The following HSPA6 variants were observed in gnomAD, a reference collection of about 807,000 sequenced individuals.
HSPA6 encodes the protein heat shock 70 kDa protein 6.
For synonymous variants in HSPA6, 312 were observed against 368.2 expected (o/e 0.85, Z 1.75); for missense variants, 718 against 860.9 (o/e 0.83, Z 2.08).
In HSPA6 at chr1:161,526,743, G is replaced by T. The variant is rs999881047; in HGVS notation, c.*153G>T. 1.7e-5 allele frequency: 12 copies of T among 686,524 alleles called. No homozygotes were observed. In the Admixed American group the frequency reaches 3.6e-4, roughly 21 times the overall value. The allele number at this position is 686,524 out of a possible 1,614,324, so 42.5% of individuals were successfully genotyped here. ...ACTGAAGTCTTTTGACTTTTTGCGG[G>T]GAGGGCGGTTCATCCTCTTCTGCTT... On this transcript the variant is annotated 3_prime_UTR_variant, in exon 1 of 1. Transcript: ENST00000309758.
At position 161,525,560 on chromosome 1, in the gene HSPA6, G is replaced by A. The variant is rs1302735301; in HGVS notation, c.902G>A (p.Arg301His). The change falls in exon 1 of 1, where the codon CGT becomes CAT. Residue 301 changes from arginine to histidine, a missense_variant. Physicochemically the swap from Arg to His is conservative, Grantham distance 29. Transcript: ENST00000309758. ...GTGGACTTCTACACGTCCATCACTCGTGCCCGCTTTGAGGAACTGTGCTCA... is the reference window on the plus strand; with the variant it reads ...GTGGACTTCTACACGTCCATCACTCATGCCCGCTTTGAGGAACTGTGCTCA... Reference protein sequence around the residue: ...EGVDFYTSITRARFEELCSDL... With the variant: ...EGVDFYTSITHARFEELCSDL... The A allele has an allele frequency of 1.9e-6, 3 of 1,613,410 alleles. No individual in the cohort carries two copies. Among genetic ancestry groups the A allele is most frequent in the Admixed American group, 1.7e-5 (1 of 59,956 alleles).
Position 161,525,756 on chromosome 1 carries a change from C to G in HSPA6, c.1098C>G (p.Asn366Lys), listed in dbSNP as rs747731136. Residue 366 changes from asparagine to lysine, a missense_variant, in exon 1 of 1, where the codon AAC (asparagine) becomes AAG (lysine). Physicochemically the swap from Asn to Lys is moderately conservative, Grantham distance 94. Coordinates refer to ENST00000309758, the MANE Select transcript of HSPA6 (RefSeq NM_002155.5). Reference protein sequence around the residue: ...FNGKELNKSINPDEAVAYGAA... With the variant: ...FNGKELNKSIKPDEAVAYGAA... Reference sequence around the variant, plus strand: ...GCAAGGAGCTGAACAAGAGCATCAACCCTGATGAGGCTGTGGCCTATGGGG... The same window carrying G: ...GCAAGGAGCTGAACAAGAGCATCAAGCCTGATGAGGCTGTGGCCTATGGGG... The G allele has an allele frequency of 6.2e-7, 1 of 1,608,048 alleles. No homozygotes were observed.
rs766725713 is a variant in HSPA6, at chr1:161,525,246, C to A, written c.588C>A (p.Asn196Lys). ...ACCGGCGGGGCGCGGGAGAGCGCAA[C>A]GTGCTCATTTTTGACCTGGGTGGGG... ...GLDRRGAGER[N>K]VLIFDLGGGT... Residue 196 changes from asparagine to lysine, a missense_variant, in exon 1 of 1, where the codon AAC (asparagine) becomes AAA (lysine). Physicochemically the swap from Asn to Lys is moderately conservative, Grantham distance 94. Transcript: ENST00000309758. 2 of 1,614,026 alleles carry A rather than the reference C, an allele frequency of 1.2e-6. No homozygotes were observed. The highest frequency in any genetic ancestry group is 1.7e-5 in the Admixed American group (1 of 60,022).
At position 161,524,851 on chromosome 1, in the gene HSPA6, C is replaced by G. The variant is rs41297698; in HGVS notation, c.193C>G (p.Pro65Ala). 1 of 1,611,234 alleles carries G rather than the reference C, an allele frequency of 6.2e-7. No homozygotes were observed. The highest frequency in any genetic ancestry group is 1.1e-5 in the South Asian group (1 of 90,902). Residue 65 changes from proline (P) to alanine (A), a missense_variant, in exon 1 of 1, where the codon CCC (proline) becomes GCC (alanine). By Grantham distance (27) the Pro-to-Ala change is conservative. Coordinates refer to ENST00000309758, the MANE Select transcript of HSPA6 (RefSeq NM_002155.5). ...DAAKSQAALNPHNTVFDAKRL... is the reference protein window; with the variant it reads ...DAAKSQAALNAHNTVFDAKRL... The stretch of plus-strand genomic sequence containing the variant: ...GGCCAAGAGCCAGGCGGCCCTGAAC[C>G]CCCACAACACCGTGTTCGATGCCAA...
In HSPA6 at chr1:161,525,552, C is replaced by A. The variant is rs1169693300; in HGVS notation, c.894C>A (p.Ser298=). The A allele has an allele frequency of 6.2e-7, 1 of 1,613,596 alleles. No homozygotes were observed. The highest frequency in any genetic ancestry group is 1.3e-5 in the African/African-American group (1 of 75,010). The change falls in exon 1 of 1, where the codon TCC becomes TCA. Residue 298 remains serine, a synonymous_variant. Transcript: ENST00000309758. ...SLFEGVDFYT[S]ITRARFEELC... ...TCGAGGGCGTGGACTTCTACACGTC[C>A]ATCACTCGTGCCCGCTTTGAGGAAC...
rs1289112914 is a variant in HSPA6, at chr1:161,526,045, C to G, written c.1387C>G (p.Leu463Val). 4.3e-6 allele frequency: 7 copies of G among 1,613,652 alleles called. No homozygotes were observed. The highest frequency in any genetic ancestry group is 1.3e-5 in the African/African-American group (1 of 74,840). The part of the protein sequence containing the change: ...KDNNLLGRFE[L>V]SGIPPAPRGV... ...CAACAACCTGCTGGGGCGTTTTGAA[C>G]TCAGTGGCATCCCTCCTGCCCCACG... Residue 463 changes from leucine (L) to valine (V), a missense_variant, in exon 1 of 1, where the codon CTC becomes GTC. Physicochemically the swap from Leu to Val is conservative, Grantham distance 32. Transcript: ENST00000309758.
rs1333454941 is a variant in HSPA6, at chr1:161,526,712, A to G, written c.*122A>G. Reference sequence around the variant, plus strand: ...CCTCCAAAGCTAGAACTTTCTTCCCAGGATAACTGAAGTCTTTTGACTTTT... The same window carrying G: ...CCTCCAAAGCTAGAACTTTCTTCCCGGGATAACTGAAGTCTTTTGACTTTT... On this transcript the variant is annotated 3_prime_UTR_variant, in exon 1 of 1. Transcript: ENST00000309758. The G allele has an allele frequency of 2.0e-5, 22 of 1,124,432 alleles. No homozygotes were observed. The highest frequency in any genetic ancestry group is 3.4e-5 in the Admixed American group (1 of 29,606). 69.7% of individuals were successfully genotyped at this position (1,124,432 alleles called of 1,614,324 possible). A position where few individuals can be genotyped will look rare whatever the true frequency, so the allele number is the denominator to read the frequency against.
Position 161,526,145 on chromosome 1 carries a change from G to A in HSPA6, c.1487G>A (p.Ser496Asn). The change falls in exon 1 of 1, where the codon AGC becomes AAC. Residue 496 changes from serine to asparagine, a missense_variant. Ser to Asn is a conservative substitution (Grantham distance 46). Transcript: ENST00000309758. ...CTGAGCGTGACAGCCACTGACAGGAGCACAGGTAAGGCTAACAAGATCACC... is the reference window on the plus strand; with the variant it reads ...CTGAGCGTGACAGCCACTGACAGGAACACAGGTAAGGCTAACAAGATCACC... ...GILSVTATDR[S>N]TGKANKITIT... 6.2e-7 allele frequency: 1 copy of A among 1,613,744 alleles called. No individual in the cohort carries two copies. The highest frequency in any genetic ancestry group is 8.5e-7 in the Non-Finnish European group (1 of 1,179,832).
rs55898103 is a variant in HSPA6 at position 161,525,582 on chromosome 1, C to T, written c.924C>T (p.Cys308=). ...CTCGTGCCCGCTTTGAGGAACTGTG[C>T]TCAGACCTCTTCCGCAGCACCCTGG... ...SITRARFEEL[C]SDLFRSTLEP... is the part of the protein sequence containing the mutation. Residue 308 remains cysteine (C), a synonymous_variant, in exon 1 of 1, where the codon TGC becomes TGT. Coordinates refer to ENST00000309758, the MANE Select transcript of HSPA6 (RefSeq NM_002155.5). The T allele has an allele frequency of 1.9e-6, 3 of 1,613,462 alleles. No individual in the cohort carries two copies. Among genetic ancestry groups the T allele is most frequent in the Middle Eastern group, 3.3e-4 (2 of 6,060 alleles).
rs1676629676 is a variant in HSPA6 at position 161,524,955 on chromosome 1, G to C, written c.297G>C (p.Glu99Asp). ...ACTGGCCCTTCCGGGTGGTGAGCGAGGGCGGCAAGCCCAAGGTGCGCGTAT... is the reference window on the plus strand; with the variant it reads ...ACTGGCCCTTCCGGGTGGTGAGCGACGGCGGCAAGCCCAAGGTGCGCGTAT... ...MKHWPFRVVSEGGKPKVRVCY... is the reference protein window; with the variant it reads ...MKHWPFRVVSDGGKPKVRVCY... The change falls in exon 1 of 1, where the codon GAG becomes GAC. Residue 99 changes from glutamate to aspartate, a missense_variant. Glu to Asp is a conservative substitution (Grantham distance 45). Coordinates refer to ENST00000309758, the MANE Select transcript of HSPA6 (RefSeq NM_002155.5). The C allele has an allele frequency of 6.2e-7, 1 of 1,613,520 alleles. No individual in the cohort carries two copies. The highest frequency in any genetic ancestry group is 1.3e-5 in the African/African-American group (1 of 74,888).
rs17853454 is a variant in HSPA6 at position 161,525,687 on chromosome 1, A to T, written c.1029A>T (p.Thr343=). 1,050,052 of 1,612,194 alleles carry T rather than the reference A, an allele frequency of 0.65. 337,042 individuals are homozygous for T. Among genetic ancestry groups the T allele is most frequent in the East Asian group, 0.68 (30,579 of 44,758 alleles). ...IHDVVLVGGS[T]RIPKVQKLLQ... ...ACGTCGTCCTGGTGGGGGGCTCCAC[A>T]CGCATCCCCAAGGTGCAGAAGTTGC... Residue 343 remains threonine, a synonymous_variant, in exon 1 of 1, where the codon ACA becomes ACT. Coordinates refer to ENST00000309758, the MANE Select transcript of HSPA6 (RefSeq NM_002155.5).
Position 161,525,753 on chromosome 1 carries a change from C to T in HSPA6, c.1095C>T (p.Ile365=). 6.2e-7 allele frequency: 1 copy of T among 1,608,122 alleles called. No individual in the cohort carries two copies. Among genetic ancestry groups the T allele is most frequent in the Non-Finnish European group, 8.5e-7 (1 of 1,176,948 alleles). The change falls in exon 1 of 1, where the codon ATC becomes ATT. Residue 365 remains isoleucine (I), a synonymous_variant. Transcript: ENST00000309758. ...FFNGKELNKS[I]NPDEAVAYGA... ...ACGGCAAGGAGCTGAACAAGAGCAT[C>T]AACCCTGATGAGGCTGTGGCCTATG...
In HSPA6 at chr1:161,525,553, A is replaced by T; in HGVS notation, c.895A>T (p.Ile299Phe). 6.2e-7 allele frequency: 1 copy of T among 1,613,578 alleles called. No individual in the cohort carries two copies. Among genetic ancestry groups the T allele is most frequent in the African/African-American group, 1.3e-5 (1 of 75,002 alleles). ...LFEGVDFYTS[I>F]TRARFEELCS... Reference sequence around the variant, plus strand: ...CGAGGGCGTGGACTTCTACACGTCCATCACTCGTGCCCGCTTTGAGGAACT... The same window carrying T: ...CGAGGGCGTGGACTTCTACACGTCCTTCACTCGTGCCCGCTTTGAGGAACT... Residue 299 changes from isoleucine (I) to phenylalanine (F), a missense_variant, in exon 1 of 1, where the codon ATC becomes TTC. Coordinates refer to ENST00000309758, the MANE Select transcript of HSPA6 (RefSeq NM_002155.5).
At position 161,525,493 on chromosome 1, in the gene HSPA6, A is replaced by C; in HGVS notation, c.835A>C (p.Ser279Arg). Reference sequence around the variant, plus strand: ...GCGCGCCAAGCGCACCCTGTCCTCCAGCACCCAGGCCACCCTGGAGATAGA... The same window carrying C: ...GCGCGCCAAGCGCACCCTGTCCTCCCGCACCCAGGCCACCCTGGAGATAGA... ...CERAKRTLSS[S>R]TQATLEIDSL... Residue 279 changes from serine (S) to arginine (R), a missense_variant, in exon 1 of 1, where the codon AGC becomes CGC. Coordinates refer to ENST00000309758, the MANE Select transcript of HSPA6 (RefSeq NM_002155.5). 2.5e-6 allele frequency: 4 copies of C among 1,613,544 alleles called. No homozygotes were observed. Among genetic ancestry groups the C allele is most frequent in the Non-Finnish European group, 3.4e-6 (4 of 1,179,736 alleles).
Position 161,526,052 on chromosome 1 carries a change from G to T in HSPA6, c.1394G>T (p.Gly465Val). 1.9e-6 allele frequency: 3 copies of T among 1,613,816 alleles called. No homozygotes were observed. The highest frequency in any genetic ancestry group is 2.5e-6 in the Non-Finnish European group (3 of 1,179,846). Residue 465 changes from glycine (G) to valine (V), a missense_variant, in exon 1 of 1, where the codon GGC becomes GTC. Transcript: ENST00000309758. ...CTGCTGGGGCGTTTTGAACTCAGTG[G>T]CATCCCTCCTGCCCCACGTGGAGTC... is the stretch of plus-strand genomic sequence containing the variant. ...NNLLGRFELS[G>V]IPPAPRGVPQ... is the part of the protein sequence containing the mutation.
chr1:161,525,579 G>A lies in HSPA6; in HGVS notation c.921G>A (p.Leu307=). The change falls in exon 1 of 1, where the codon CTG becomes CTA. Residue 307 remains leucine, a synonymous_variant. Coordinates refer to ENST00000309758, the MANE Select transcript of HSPA6 (RefSeq NM_002155.5). Reference sequence around the variant, plus strand: ...TCACTCGTGCCCGCTTTGAGGAACTGTGCTCAGACCTCTTCCGCAGCACCC... The same window carrying A: ...TCACTCGTGCCCGCTTTGAGGAACTATGCTCAGACCTCTTCCGCAGCACCC... ...TSITRARFEE[L]CSDLFRSTLE... The A allele has an allele frequency of 1.2e-6, 2 of 1,613,490 alleles. No individual in the cohort carries two copies. Among genetic ancestry groups the A allele is most frequent in the East Asian group, 2.2e-5 (1 of 44,874 alleles).
chr1:161,526,678 T>A lies in HSPA6; in HGVS notation c.*88T>A. The stretch of plus-strand genomic sequence containing the variant: ...CTTCTATGATCCTGCCCTTCAGAGA[T>A]GAACTTTCCCTCCAAAGCTAGAACT... On this transcript the variant is annotated 3_prime_UTR_variant, in exon 1 of 1. Transcript: ENST00000309758. 1 of 1,344,508 alleles carries A rather than the reference T, an allele frequency of 7.4e-7. No homozygotes were observed. The highest frequency in any genetic ancestry group is 9.9e-7 in the Non-Finnish European group (1 of 1,013,134). 83.3% of individuals were successfully genotyped at this position (1,344,508 alleles called of 1,614,324 possible).
Position 161,525,315 on chromosome 1 carries a change from T to C in HSPA6, c.657T>C (p.Phe219=), listed in dbSNP as rs759922022. The C allele has an allele frequency of 1.2e-6, 2 of 1,614,010 alleles. No individual in the cohort carries two copies. Among genetic ancestry groups the C allele is most frequent in the South Asian group, 1.1e-5 (1 of 91,036 alleles). ...VSVLSIDAGV[F]EVKATAGDTH... is the part of the protein sequence containing the mutation. ...TTCTCTCCATTGACGCTGGTGTCTT[T>C]GAGGTGAAAGCCACTGCTGGAGATA... is the stretch of plus-strand genomic sequence containing the variant. The change falls in exon 1 of 1, where the codon TTT becomes TTC. Residue 219 remains phenylalanine (F), a synonymous_variant. Transcript: ENST00000309758.
chr1:161,525,770 T>C lies in HSPA6; in HGVS notation c.1112T>C (p.Val371Ala). ...AAGAGCATCAACCCTGATGAGGCTG[T>C]GGCCTATGGGGCTGCTGTGCAGGCG... ...LNKSINPDEA[V>A]AYGAAVQAAV... is the part of the protein sequence containing the mutation. The change falls in exon 1 of 1, where the codon GTG becomes GCG. Residue 371 changes from valine (V) to alanine (A), a missense_variant. Coordinates refer to ENST00000309758, the MANE Select transcript of HSPA6 (RefSeq NM_002155.5). 1 of 1,607,202 alleles carries C rather than the reference T, an allele frequency of 6.2e-7. No homozygotes were observed. Among genetic ancestry groups the C allele is most frequent in the Non-Finnish European group, 8.5e-7 (1 of 1,176,324 alleles).
Sources: allele counts gnomAD v4.1 joint callset, GRCh38; gene constraint gnomAD v4.1.1; transcripts MANE v1.5; gene names NCBI Gene and HGNC (gene_info 2026-07-23, HGNC 2026-07-21).